The following ANKRD50 variants were observed in gnomAD, a reference collection of about 807,000 sequenced individuals.
The protein encoded by ANKRD50 is ankyrin repeat domain-containing protein 50.
In ANKRD50, 40 loss-of-function variants were observed where a neutral mutation model predicts 112.0. That is an observed-to-expected ratio of 0.36 (90% CI 0.28 to 0.46). The LOEUF is 0.46. ANKRD50 is among the 20% of genes least tolerant of loss of function. The pLI is 1.00. For synonymous variants in ANKRD50, 613 were observed against 619.1 expected (o/e 0.99, Z 0.15); for missense variants, 1,487 against 1,701.7 (o/e 0.87, Z 2.22).
At chr4:124,673,674 T>C (rs141363453) in intron 3 of ANKRD50, among the ~76,000 whole-genome samples, 3 of 152,014 alleles carry the variant, frequency 2.0e-5, no homozygotes, top group African/African-American at 7.2e-5. Flanking sequence ...CCAACAGGAC[T>C]GAAAAAGAGA....
intron 2 of ANKRD50, among the ~76,000 whole-genome samples, chr4:124,682,361 T>C (rs995368692): frequency 1.1e-4 from 15 of 141,594 alleles, no homozygotes; most frequent in African/African-American, 3.4e-4. Flanking sequence ...AGAATGCACA[T>C]ACTGTTGTTG....
In ANKRD50 at chr4:124,670,091, C is replaced by A; in HGVS notation, c.3186G>T (p.Gln1062His). The A allele has an allele frequency of 1.2e-6, 2 of 1,613,476 alleles. No homozygotes were observed. The highest frequency in any genetic ancestry group is 1.7e-6 in the Non-Finnish European group (2 of 1,179,780). The change falls in exon 4 of 5, where the codon CAG (glutamine) becomes CAT (histidine). Residue 1062 changes from glutamine (Q) to histidine (H), a missense_variant. By Grantham distance (24) the Gln-to-His change is conservative (BLOSUM62 0). Coordinates refer to ENST00000504087, the MANE Select transcript of ANKRD50 (RefSeq NM_020337.3). ...GATCAGCACCATGCTCTAATAAGACCTGAACAACATCAATGTGCCCTTCCT... is the reference window on the plus strand; with the variant it reads ...GATCAGCACCATGCTCTAATAAGACATGAACAACATCAATGTGCCCTTCCT... ...AAQEGHIDVV[Q>H]VLLEHGADPN...
At chr4:124,672,930 A>T (rs1730695754) in intron 3 of ANKRD50, among the ~76,000 whole-genome samples, 1 of 152,194 alleles carries the variant, frequency 6.6e-6, no homozygotes, top group South Asian at 2.1e-4. Context: ...TTTTTACAAA[A>T]TCTCTTCCAT....
At position 124,664,106 on chromosome 4, in the gene ANKRD50, T is replaced by C. The variant is rs1388070941; in HGVS notation, c.*3412A>G. On this transcript the variant is annotated 3_prime_UTR_variant, in exon 5 of 5. Coordinates refer to ENST00000504087, the MANE Select transcript of ANKRD50 (RefSeq NM_020337.3). ...AGAAAATGAATGACCATGTTTGCAA[T>C]AAACTCCCAAAATATCCGCCATAAG... is the stretch of plus-strand genomic sequence containing the variant. 5 of 151,962 alleles carry C rather than the reference T, an allele frequency of 3.3e-5. No individual in the cohort carries two copies. Among genetic ancestry groups the C allele is most frequent in the Non-Finnish European group, 5.9e-5 (4 of 67,942 alleles). The allele number at this position is 151,962 out of a possible 1,614,324, so 9.4% of individuals were successfully genotyped here.
intron 2 of ANKRD50, among the ~76,000 whole-genome samples, chr4:124,682,322 C>CAAAA (rs36107017): frequency 1.5e-4 from 13 of 87,568 alleles, no homozygotes; most frequent in Non-Finnish European, 2.1e-4. Flanking sequence ...GACTCCGTCT[C>CAAAA]AAAAAAAAAA....
intron 2 of ANKRD50, 64 bp downstream of exon 2, chr4:124,709,936 T>A (rs1206042774): frequency 6.5e-7 from 1 of 1,535,642 alleles, no homozygotes; most frequent in Non-Finnish European, 8.7e-7. Context: ...AACAAAAAAC[T>A]ACAACTAAAA....
chr4:124,687,373 C>T (rs1350263477), intron 2 of ANKRD50, among the ~76,000 whole-genome samples: 1 of 151,798 alleles, frequency 6.6e-6, no homozygotes, highest in Non-Finnish European at 1.5e-5. Flanking sequence ...TCACCCCGTC[C>T]CACAAAAATT....
At chr4:124,682,570 G>A (rs1429692896) in intron 2 of ANKRD50, among the ~76,000 whole-genome samples, 1 of 151,882 alleles carries the variant, frequency 6.6e-6, no homozygotes, top group East Asian at 1.9e-4. Context: ...TGTTTTAAGG[G>A]CTACAAATGT....
At chr4:124,686,416 C>G (rs1725008326) in intron 2 of ANKRD50, among the ~76,000 whole-genome samples, 1 of 152,174 alleles carries the variant, frequency 6.6e-6, no homozygotes, top group Admixed American at 6.5e-5. Context: ...TCGCTTGCTG[C>G]CTTTTCTCTA....
Position 124,669,332 on chromosome 4 carries a change from A to G in ANKRD50, c.3945T>C (p.Thr1315=). The G allele has an allele frequency of 6.2e-7, 1 of 1,613,800 alleles. No individual in the cohort carries two copies. Among genetic ancestry groups the G allele is most frequent in the Non-Finnish European group, 8.5e-7 (1 of 1,179,832 alleles). Residue 1315 remains threonine, a synonymous_variant, in exon 4 of 5, where the codon ACT becomes ACC. Coordinates refer to ENST00000504087, the MANE Select transcript of ANKRD50 (RefSeq NM_020337.3). ...CTGGCATTTGTTTAGGTGGTGCAGC[A>G]GTCCCGGATTTGGCTATAGGTCCTC... is the stretch of plus-strand genomic sequence containing the variant. ...DRRGPIAKSG[T]AAPPKQMPAE...
chr4:124,682,126 C>T (rs940531060), intron 2 of ANKRD50, among the ~76,000 whole-genome samples: 20 of 151,856 alleles, frequency 1.3e-4, no homozygotes, highest in Non-Finnish European at 2.1e-4. Flanking sequence ...ACCATCCTGG[C>T]TAACAAGGTG....
chr4:124,669,722 T>C lies in ANKRD50; in HGVS notation c.3555A>G (p.Lys1185=). ...QKSSLSNNSL[K]SSKNSSLRTT... Reference sequence around the variant, plus strand: ...TTCTCAAAGATGAATTTTTTGAGCTTTTCAGGGAATTATTTGACAGTGATG... The same window carrying C: ...TTCTCAAAGATGAATTTTTTGAGCTCTTCAGGGAATTATTTGACAGTGATG... Residue 1185 remains lysine, a synonymous_variant, in exon 4 of 5, where the codon AAA becomes AAG. Coordinates refer to ENST00000504087, the MANE Select transcript of ANKRD50 (RefSeq NM_020337.3). The C allele has an allele frequency of 6.2e-7, 1 of 1,613,322 alleles. No individual in the cohort carries two copies. The highest frequency in any genetic ancestry group is 8.5e-7 in the Non-Finnish European group (1 of 1,179,750).
chr4:124,671,286 A>G lies in ANKRD50; in HGVS notation c.1991T>C (p.Leu664Pro), dbSNP rs1369473021. The G allele has an allele frequency of 6.2e-7, 1 of 1,613,820 alleles. No homozygotes were observed. The highest frequency in any genetic ancestry group is 8.5e-7 in the Non-Finnish European group (1 of 1,179,830). ...TTTGTTCACTTCAGCGCCATGTTGTAGCAAATTCAGTACAATATCCTCGTG... is the reference window on the plus strand; with the variant it reads ...TTTGTTCACTTCAGCGCCATGTTGTGGCAAATTCAGTACAATATCCTCGTG... ...GGHEDIVLNL[L>P]QHGAEVNKAD... The change falls in exon 4 of 5, where the codon CTA (leucine) becomes CCA (proline). Residue 664 changes from leucine (L) to proline (P), a missense_variant. Coordinates refer to ENST00000504087, the MANE Select transcript of ANKRD50 (RefSeq NM_020337.3).
In ANKRD50 at chr4:124,669,808, G is replaced by A. The variant is rs755391724; in HGVS notation, c.3469C>T (p.Pro1157Ser). Reference protein sequence around the residue: ...QPSLRGLPNGPTHAFSSPSES... With the variant: ...QPSLRGLPNGSTHAFSSPSES... ...GAAGGAGAACTAAAAGCATGAGTAG[G>A]CCCATTAGGTAAACCACGTAACGAA... The change falls in exon 4 of 5, where the codon CCT (proline) becomes TCT (serine). Residue 1157 changes from proline to serine, a missense_variant. This residue lies in a region of ANKRD50 where 441 missense variants were observed against 432.2 expected (regional missense o/e 1.02). Coordinates refer to ENST00000504087, the MANE Select transcript of ANKRD50 (RefSeq NM_020337.3). 1 of 1,613,068 alleles carries A rather than the reference G, an allele frequency of 6.2e-7. No homozygotes were observed. The highest frequency in any genetic ancestry group is 8.5e-7 in the Non-Finnish European group (1 of 1,179,678).
At chr4:124,667,775 G>A (rs1730532014) in intron 4 of ANKRD50, among the ~76,000 whole-genome samples, 2 of 151,836 alleles carry the variant, frequency 1.3e-5, no homozygotes. Flanking sequence ...AGTTGAAAGG[G>A]TGCACCATCA....
intron 2 of ANKRD50, among the ~76,000 whole-genome samples, chr4:124,699,764 T>A (rs115722067): frequency 6.7e-4 from 101 of 150,048 alleles, no homozygotes; most frequent in Non-Finnish European, 1.2e-3. Context: ...AATCTACATA[T>A]ATAAATTGTT....
intron 3 of ANKRD50, among the ~76,000 whole-genome samples, chr4:124,678,058 G>A (rs1181576551): frequency 3.3e-5 from 5 of 151,958 alleles, no homozygotes; most frequent in South Asian, 4.1e-4. Flanking sequence ...GAATAAAGCC[G>A]CTTACAGAAA....
Position 124,670,429 on chromosome 4 carries a change from G to A in ANKRD50, c.2848C>T (p.Leu950Phe). 6.2e-7 allele frequency: 1 copy of A among 1,613,828 alleles called. No homozygotes were observed. Among genetic ancestry groups the A allele is most frequent in the Non-Finnish European group, 8.5e-7 (1 of 1,179,878 alleles). ...TGATTTTCTAAGGCCAAGATATAAA[G>A]TGTAGGCCGACCATCAGCATCTTTG... is the stretch of plus-strand genomic sequence containing the variant. The part of the protein sequence containing the change: ...NCKDADGRPT[L>F]YILALENQLT... The change falls in exon 4 of 5, where the codon CTT (leucine) becomes TTT (phenylalanine). Residue 950 changes from leucine to phenylalanine, a missense_variant. Around this residue, in one of 2 missense-constraint regions of ANKRD50, gnomAD observed 1,046 missense variants for 1,269.5 expected, o/e 0.82. Transcript: ENST00000504087.
chr4:124,708,166 A>T (rs1216813426), intron 2 of ANKRD50, among the ~76,000 whole-genome samples: 7 of 152,134 alleles, frequency 4.6e-5, no homozygotes, highest in Admixed American at 4.6e-4. Flanking sequence ...AAAAAGCAGT[A>T]AGAAGAAAAG....
Sources: allele counts gnomAD v4.1 joint callset (sites outside exome capture counted in the v4.1 genomes callset), GRCh38; gene constraint gnomAD v4.1.1; regional missense constraint gnomAD v4.1.1; transcripts MANE v1.5; gene names NCBI Gene and HGNC (gene_info 2026-07-23, HGNC 2026-07-21).